The following EFHD1 variants were observed in gnomAD, a reference collection of about 807,000 sequenced individuals.
EFHD1 encodes the protein EF-hand domain-containing protein D1.
EFHD1 carries 10 observed loss-of-function variants against 17.2 expected under a neutral mutation model. That is an observed-to-expected ratio of 0.58 (90% CI 0.36 to 0.99). The LOEUF is 0.99. Among genes scored for constraint, EFHD1 ranks in the 50% least tolerant of loss-of-function variants. The pLI is 0.01. For missense variants in EFHD1, 310 were observed against 327.5 expected (o/e 0.95, Z 0.41); for synonymous variants, 153 against 142.0 (o/e 1.08, Z -0.55).
intron 1 of EFHD1, among the ~76,000 whole-genome samples, chr2:232,624,519 G>T (rs1203344311): frequency 6.6e-6 from 1 of 152,268 alleles, no homozygotes; most frequent in African/African-American, 2.4e-5. Flanking sequence ...ATGCCAGGGG[G>T]CACCCTTGTG....
chr2:232,660,235 C>T (rs56401627), intron 1 of EFHD1, among the ~76,000 whole-genome samples: 41,724 of 151,446 alleles, frequency 0.28, 6,590 homozygotes, highest in East Asian at 0.56. Context: ...TGCTCTGTCA[C>T]CCAGGCTGGA....
At chr2:232,643,144 G>A (rs1435628336) in intron 1 of EFHD1, among the ~76,000 whole-genome samples, 1 of 151,628 alleles carries the variant, frequency 6.6e-6, no homozygotes, top group African/African-American at 2.4e-5. Flanking sequence ...GAAAGACCTA[G>A]AGTTCTTCTA....
chr2:232,650,977 G>T (rs1574719943), intron 1 of EFHD1, among the ~76,000 whole-genome samples: 1 of 152,240 alleles, frequency 6.6e-6, no homozygotes, highest in South Asian at 2.1e-4. Flanking sequence ...GGAGCTCAGG[G>T]AACTCCAATA....
rs976670353 is a variant in EFHD1 at position 232,670,016 on chromosome 2, A to G, written c.451-2293A>G. On this transcript the variant is annotated intron_variant, in intron 2 of 3. Transcript: ENST00000264059. The stretch of plus-strand genomic sequence containing the variant: ...AACCTGGAGAGAGCCTCTTTCGATG[A>G]TAGCTTGGAACGTATCAGTTTATAT... 3.9e-5 allele frequency among the ~76,000 whole-genome samples: 6 copies of G among 152,224 alleles called. No homozygotes were observed. The South Asian group carries it at 6.2e-4, about 16-fold the overall frequency.
chr2:232,620,117 G>A (rs1262420484), intron 1 of EFHD1, among the ~76,000 whole-genome samples: 1 of 151,122 alleles, frequency 6.6e-6, no homozygotes, highest in African/African-American at 2.4e-5. Context: ...GGCCGGGCGC[G>A]GTGGCTCACG....
At chr2:232,660,202 AT>A (rs56053756) in intron 1 of EFHD1, among the ~76,000 whole-genome samples, 2,520 of 142,496 alleles carry the variant, frequency 0.018, 62 homozygotes, top group African/African-American at 0.054. Context: ...TTATTTATTT[AT>A]TTTTTTTTTG....
chr2:232,614,071 CAT>C (rs1025179727), intron 1 of EFHD1, among the ~76,000 whole-genome samples: 12 of 151,904 alleles, frequency 7.9e-5, no homozygotes, highest in Non-Finnish European at 1.2e-4. Context: ...CATGCACACA[CAT>C]TATACACACA....
rs552550162 is a variant in EFHD1 at position 232,614,765 on chromosome 2, C to T, written c.14+8592C>T. Among the ~76,000 whole-genome samples, 20 of 152,288 alleles carry T rather than the reference C, an allele frequency of 1.3e-4. No homozygotes were observed. In the South Asian group the frequency reaches 3.7e-3, roughly 28 times the overall value. ...CTGAGCCAGGTGGATTATTTGAGCC[C>T]TGGAGTTCGAGACCAGCCTGGGCAA... is the stretch of plus-strand genomic sequence containing the variant. On this transcript the variant is annotated intron_variant, in intron 1 of 3. Transcript: ENST00000409613.
chr2:232,638,881 TG>T (rs997135922), intron 1 of EFHD1, among the ~76,000 whole-genome samples: 31 of 152,264 alleles, frequency 2.0e-4, no homozygotes, highest in African/African-American at 6.7e-4. Context: ...AATTTTGAAT[TG>T]GGGGGTAGGG....
chr2:232,673,910 T>C (rs535356932), intron 3 of EFHD1, among the ~76,000 whole-genome samples: 19 of 144,644 alleles, frequency 1.3e-4, no homozygotes, highest in Admixed American at 2.0e-4. Flanking sequence ...ACTTCTTCTT[T>C]TTTTTTTTTT....
intron 1 of EFHD1, among the ~76,000 whole-genome samples, chr2:232,635,327 G>A (rs1239168292): frequency 1.3e-5 from 2 of 152,202 alleles, no homozygotes; most frequent in Admixed American, 6.5e-5. Flanking sequence ...TGGATTCAGG[G>A]GATCTTGGGG....
Position 232,633,871 on chromosome 2 carries a change from G to T in EFHD1, c.167G>T (p.Ser56Ile). The change falls in exon 1 of 4, where the codon AGC becomes ATC. Residue 56 changes from serine (S) to isoleucine (I), a missense_variant. By Grantham distance (142) the Ser-to-Ile change is moderately radical. Transcript: ENST00000264059. The stretch of plus-strand genomic sequence containing the variant: ...ACGGCCAGCGCCGACGCGGAGCTGA[G>T]CGCCCAGCTGAGCCGGCGGCTGGAC... ...APTASADAEL[S>I]AQLSRRLDIN... 1 of 1,529,014 alleles carries T rather than the reference G, an allele frequency of 6.5e-7. No individual in the cohort carries two copies. The highest frequency in any genetic ancestry group is 2.6e-5 in the East Asian group (1 of 37,928). 94.7% of individuals were successfully genotyped at this position (1,529,014 alleles called of 1,614,324 possible). A position where few individuals can be genotyped will look rare whatever the true frequency, so the allele number is the denominator to read the frequency against.
chr2:232,644,477 G>A (rs1574715693), intron 1 of EFHD1, among the ~76,000 whole-genome samples: 1 of 151,854 alleles, frequency 6.6e-6, no homozygotes, highest in East Asian at 1.9e-4. Context: ...GTGTGTTGGG[G>A]GGTGTTCAGG....
chr2:232,673,538 C>T (rs993148979), intron 3 of EFHD1, among the ~76,000 whole-genome samples: 3 of 152,260 alleles, frequency 2.0e-5, no homozygotes, highest in South Asian at 2.1e-4. Flanking sequence ...TCTGCCTGAA[C>T]GCCCTACCCA....
At chr2:232,659,853 C>T (rs987846258) in intron 1 of EFHD1, among the ~76,000 whole-genome samples, 2 of 152,202 alleles carry the variant, frequency 1.3e-5, no homozygotes, top group African/African-American at 4.8e-5. Context: ...AAACTTACAA[C>T]CATGGCAGAA....
intron 3 of EFHD1, among the ~76,000 whole-genome samples, chr2:232,681,142 C>T (rs1027208518): frequency 6.6e-6 from 1 of 151,122 alleles, no homozygotes; most frequent in South Asian, 2.1e-4. Flanking sequence ...AGCGACAGAG[C>T]GAGACTCCAT....
intron 2 of EFHD1, among the ~76,000 whole-genome samples, chr2:232,670,751 A>G (rs1240107023): frequency 3.3e-5 from 5 of 152,184 alleles, no homozygotes; most frequent in Non-Finnish European, 7.3e-5. Context: ...TCTAAGCATA[A>G]CACTATATGT....
At chr2:232,640,515 A>C (rs1331865540) in intron 1 of EFHD1, among the ~76,000 whole-genome samples, 1 of 152,148 alleles carries the variant, frequency 6.6e-6, no homozygotes, top group East Asian at 1.9e-4. Flanking sequence ...TGAGCTATTC[A>C]TTCACTCATT....
At chr2:232,655,839 C>G (rs1265582265) in intron 1 of EFHD1, among the ~76,000 whole-genome samples, 1 of 139,882 alleles carries the variant, frequency 7.1e-6, no homozygotes, top group African/African-American at 2.8e-5. Flanking sequence ...CGGAATCTTG[C>G]TCTGTCACCC....
Sources: gnomAD v4.1 joint callset for allele counts (sites outside exome capture counted in the v4.1 genomes callset) on GRCh38, gnomAD v4.1.1 for gene constraint, MANE v1.5 for transcripts, NCBI Gene and HGNC (gene_info 2026-07-23, HGNC 2026-07-21) for gene names.